FAM186A: variants seen among roughly 807,000 people sequenced by gnomAD.
The protein encoded by FAM186A is family with sequence similarity 186 member A.
A neutral mutation model predicts 216.8 loss-of-function variants in FAM186A; 163 were observed. The observed-to-expected ratio is 0.75, with a 90% CI of 0.66 to 0.86. The LOEUF (loss-of-function observed/expected upper bound fraction) is 0.86. Ranked by LOEUF, FAM186A falls within the 40% of genes least tolerant of loss-of-function variation. The pLI, the probability that FAM186A is intolerant of heterozygous loss-of-function variation, is 0.00. For missense variants in FAM186A, 2,184 were observed against 2,746.2 expected (o/e 0.80, Z 4.58); for synonymous variants, 805 against 1,025.3 (o/e 0.79, Z 4.10).
intron 1 of FAM186A, among the ~76,000 whole-genome samples, chr12:50,378,275 A>C (rs1213481600): frequency 1.3e-5 from 2 of 152,044 alleles, no homozygotes; most frequent in East Asian, 3.9e-4. Flanking sequence ...TCACGCCTGT[A>C]ATCCCAACAC....
intron 2 of FAM186A, among the ~76,000 whole-genome samples, chr12:50,361,191 G>A (rs1185147575): frequency 6.6e-6 from 1 of 152,028 alleles, no homozygotes; most frequent in Non-Finnish European, 1.5e-5. Flanking sequence ...AAATGTGTGT[G>A]TGTGTGTTTT....
chr12:50,357,377 C>G (rs1279507384), intron 3 of FAM186A, among the ~76,000 whole-genome samples: 1 of 152,010 alleles, frequency 6.6e-6, no homozygotes, highest in African/African-American at 2.4e-5. Context: ...TGGCGCATGC[C>G]TGTAGTCCCA....
chr12:50,360,914 G>C lies in FAM186A; in HGVS notation c.425C>G (p.Ser142Cys), dbSNP rs1298207365. ...AWLEEWNDVLSEMTLMDVDEH... is the reference protein window; with the variant it reads ...AWLEEWNDVLCEMTLMDVDEH... ...ATCAACATCCATTAGAGTCATCTCA[G>C]ACAAAACATCATCTTGAAGAGAGTA... The change falls in exon 3 of 8, where the codon TCT becomes TGT. Residue 142 changes from serine to cysteine, a missense_variant. Ser to Cys is a moderately radical substitution (Grantham distance 112). Transcript: ENST00000327337. 1 of 1,535,870 alleles carries C rather than the reference G, an allele frequency of 6.5e-7. No homozygotes were observed. The highest frequency in any genetic ancestry group is 2.2e-5 in the Admixed American group (1 of 46,262).
chr12:50,352,811 G>A lies in FAM186A; in HGVS notation c.4021C>T (p.Pro1341Ser). The change falls in exon 4 of 8, where the codon CCT becomes TCT. Residue 1341 changes from proline (P) to serine (S), a missense_variant. Around this residue, in one of 7 missense-constraint regions of FAM186A, gnomAD observed 267 missense variants for 446.2 expected, o/e 0.60. Transcript: ENST00000327337. The stretch of plus-strand genomic sequence containing the variant: ...ATCCCCAAGGCCTGGGCCTGCTGAG[G>A]GGTGAGAGTGATCTCCTGAGTCTGC... Reference protein sequence around the residue: ...QAQTQEITLTPQQAQALGMPL... With the variant: ...QAQTQEITLTSQQAQALGMPL... 6.5e-7 allele frequency: 1 copy of A among 1,548,794 alleles called. No individual in the cohort carries two copies. The highest frequency in any genetic ancestry group is 1.2e-5 in the South Asian group (1 of 83,912).
chr12:50,337,075 A>G (rs905867417), intron 4 of FAM186A, among the ~76,000 whole-genome samples: 5 of 151,448 alleles, frequency 3.3e-5, no homozygotes, highest in African/African-American at 1.2e-4. Flanking sequence ...TACTTAAATT[A>G]TTATATTTGT....
intron 1 of FAM186A, among the ~76,000 whole-genome samples, chr12:50,385,717 A>G (rs1943296783): frequency 6.6e-6 from 1 of 151,770 alleles, no homozygotes; most frequent in African/African-American, 2.4e-5. Context: ...CCGGGCTAAC[A>G]TGGTGAAACC....
chr12:50,357,145 CTTTTCTCTT>C (rs1326897870), intron 3 of FAM186A, among the ~76,000 whole-genome samples: 1 of 152,196 alleles, frequency 6.6e-6, no homozygotes, highest in Non-Finnish European at 1.5e-5. Flanking sequence ...TCCTGTCTCT[CTTTTCTCTT>C]TTTTCTGAAT....
chr12:50,354,786 C>T lies in FAM186A; in HGVS notation c.2046G>A (p.Gln682=), dbSNP rs1474247998. Residue 682 remains glutamine, a synonymous_variant, in exon 4 of 8, where the codon CAG becomes CAA. Coordinates refer to ENST00000327337, the MANE Select transcript of FAM186A (RefSeq NM_001145475.3). ...FQEAIMAFLK[Q]KIDNIGKAFD... ...AAGCCTTTCCTATGTTATCAATTTT[C>T]TGTTTTAGGAAAGCCATTATGGCTT... 1 of 1,534,392 alleles carries T rather than the reference C, an allele frequency of 6.5e-7. No individual in the cohort carries two copies. The highest frequency in any genetic ancestry group is 8.7e-7 in the Non-Finnish European group (1 of 1,143,068).
chr12:50,369,902 A>T (rs1268320767), intron 1 of FAM186A, among the ~76,000 whole-genome samples: 2 of 151,896 alleles, frequency 1.3e-5, no homozygotes, highest in Non-Finnish European at 2.9e-5. Context: ...AGGAGGGTGG[A>T]TCATGAGGTC....
rs1321810443 is a variant in FAM186A at position 50,350,462 on chromosome 12, T to C, written c.6370A>G (p.Lys2124Glu). The C allele has an allele frequency of 2.6e-6, 4 of 1,551,616 alleles. No homozygotes were observed. Among genetic ancestry groups the C allele is most frequent in the Non-Finnish European group, 3.5e-6 (4 of 1,146,988 alleles). The change falls in exon 4 of 8, where the codon AAA becomes GAA. Residue 2124 changes from lysine (K) to glutamate (E), a missense_variant. Coordinates refer to ENST00000327337, the MANE Select transcript of FAM186A (RefSeq NM_001145475.3). ...AGCTGTGAAGGGAGTCCACAAGTTT[T>C]TATAGCCTGATTTAATAGTATCAGG... is the stretch of plus-strand genomic sequence containing the variant. Reference protein sequence around the residue: ...KNLILLNQAIKTCGLPSQLHT... With the variant: ...KNLILLNQAIETCGLPSQLHT...
At chr12:50,394,240 G>T (rs1159440845) in intron 1 of FAM186A, among the ~76,000 whole-genome samples, 5 of 151,824 alleles carry the variant, frequency 3.3e-5, no homozygotes, top group Non-Finnish European at 1.5e-5. Flanking sequence ...CTGTTTTTTT[G>T]TTTTTGTTTT....
chr12:50,350,898 T>C lies in FAM186A; in HGVS notation c.5934A>G (p.Val1978=), dbSNP rs1210324948. ...TCTTAGTGGTGAAAGGAACTTGAGC[T>C]ACCTTGAAATCTGGAGCACTAGGAT... ...LIHPSAPDFK[V]AQVPFTTKKF... is the part of the protein sequence containing the mutation. Residue 1978 remains valine (V), a synonymous_variant, in exon 4 of 8, where the codon GTA becomes GTG. Coordinates refer to ENST00000327337, the MANE Select transcript of FAM186A (RefSeq NM_001145475.3). 7 of 1,551,530 alleles carry C rather than the reference T, an allele frequency of 4.5e-6. No individual in the cohort carries two copies. In the African/African-American group the frequency reaches 8.2e-5, roughly 18 times the overall value.
intron 1 of FAM186A, among the ~76,000 whole-genome samples, chr12:50,366,625 C>A (rs1253525126): frequency 3.7e-4 from 5 of 13,678 alleles, no homozygotes; most frequent in South Asian, 3.5e-3. Context: ...AATAGAATGA[C>A]CAAAAAAAAA....
intron 1 of FAM186A, among the ~76,000 whole-genome samples, chr12:50,391,857 A>G (rs1943360143): frequency 6.6e-6 from 1 of 152,218 alleles, no homozygotes; most frequent in African/African-American, 2.4e-5. Context: ...AAATGAAAGC[A>G]TATATCTGTA....
At chr12:50,338,710 A>G (rs1047787146) in intron 4 of FAM186A, among the ~76,000 whole-genome samples, 1 of 152,136 alleles carries the variant, frequency 6.6e-6, no homozygotes, top group African/African-American at 2.4e-5. Flanking sequence ...TACTATATAG[A>G]CTTTGGAAAT....
At chr12:50,372,966 G>GGGAGGGAC (rs1296302399) in intron 1 of FAM186A, among the ~76,000 whole-genome samples, 1 of 136,844 alleles carries the variant, frequency 7.3e-6, no homozygotes, top group African/African-American at 2.7e-5. Flanking sequence ...GAGGGAGGGA[G>GGGAGGGAC]GGAGGGACGG....
intron 1 of FAM186A, among the ~76,000 whole-genome samples, chr12:50,388,815 G>A (rs1187484135): frequency 6.6e-6 from 1 of 152,124 alleles, no homozygotes; most frequent in Non-Finnish European, 1.5e-5. Flanking sequence ...CACTTTGGGA[G>A]GTCGAAGCGA....
At chr12:50,330,823 T>C (rs1942650084) in intron 6 of FAM186A, 65 bp from the exon 7 acceptor site, 2 of 1,367,912 alleles carry the variant, frequency 1.5e-6, no homozygotes, top group Admixed American at 3.2e-5. Context: ...TCAAAATATA[T>C]CTTATTCTCC....
rs543590997 is a variant in FAM186A at position 50,351,025 on chromosome 12, G to A, written c.5807C>T (p.Pro1936Leu). ...CTGGGGCTTTCCAGGGGCTGGGGAC[G>A]GCCATAGTGTGGGAGGATGTCTAGA... ...PTSRHPPTLW[P>L]SPAPGKPQKS... The change falls in exon 4 of 8, where the codon CCG (proline) becomes CTG (leucine). Residue 1936 changes from proline to leucine, a missense_variant. By Grantham distance (98) the Pro-to-Leu change is moderately conservative. Transcript: ENST00000327337. The A allele has an allele frequency of 7.1e-6, 11 of 1,551,300 alleles. No homozygotes were observed. The highest frequency in any genetic ancestry group is 6.8e-5 in the African/African-American group (5 of 73,066).
Sources: allele counts gnomAD v4.1 joint callset (sites outside exome capture counted in the v4.1 genomes callset), GRCh38; gene constraint gnomAD v4.1.1; regional missense constraint gnomAD v4.1.1; transcripts MANE v1.5; gene names NCBI Gene and HGNC (gene_info 2026-07-23, HGNC 2026-07-21).